AURKA: variants seen among roughly 807,000 people sequenced by gnomAD.
AURKA encodes the protein aurora 2.
A neutral mutation model predicts 40.9 loss-of-function variants in AURKA; 12 were observed. That is an observed-to-expected ratio of 0.29 (90% CI 0.19 to 0.48). The LOEUF (loss-of-function observed/expected upper bound fraction) is 0.48. AURKA is among the 20% of genes least tolerant of loss of function. The pLI is 0.99. For synonymous variants in AURKA, 170 were observed against 164.3 expected, an observed-to-expected ratio of 1.03 and a Z score of -0.26; for missense variants, 322 against 462.1, an observed-to-expected ratio of 0.70 and a Z score of 2.78.
intron 1 of AURKA, among the ~76,000 whole-genome samples, chr20:56,390,166 C>T (rs745945397): frequency 2.0e-5 from 3 of 152,192 alleles, no homozygotes; most frequent in Non-Finnish European, 4.4e-5. Flanking sequence ...GACTTCATCT[C>T]CTCTTCTTGT....
intron 4 of AURKA, 123 bp downstream of exon 4, chr20:56,384,147 T>TA (rs1986073669): frequency 2.8e-6 from 2 of 707,554 alleles, no homozygotes; most frequent in Non-Finnish European, 4.7e-6. Context: ...TCTGGAAACA[T>TA]TTATATCCTC....
intron 2 of AURKA, 92 bp from the exon 3 acceptor site, chr20:56,386,625 C>G (rs1986417322): frequency 7.1e-7 from 1 of 1,398,686 alleles, no homozygotes; most frequent in African/African-American, 1.4e-5. Flanking sequence ...TCTAGTATAG[C>G]AAAATAATGA....
intron 6 of AURKA, among the ~76,000 whole-genome samples, chr20:56,379,713 GCA>G (rs1491399992): frequency 2.0e-5 from 3 of 152,184 alleles, no homozygotes; most frequent in African/African-American, 7.2e-5. Context: ...TGTAATCCTA[GCA>G]CTTTGGGAGG....
chr20:56,384,195 T>A, intron 4 of AURKA, 75 bp downstream of exon 4: 2 of 1,220,178 alleles, frequency 1.6e-6, no homozygotes, highest in Non-Finnish European at 1.2e-6. Context: ...TCCCCAGAGT[T>A]CCCACAACGA....
At position 56,377,365 on chromosome 20, in the gene AURKA, CAT is replaced by C. The variant is rs1039185401; in HGVS notation, c.706-3811_706-3810del. ...GGATTGGGAGAAAATATTTGCAAAACATGTGTGACAGATGACCTGCATCCAAA... is the reference window on the plus strand; with the variant it reads ...GGATTGGGAGAAAATATTTGCAAAACGTGTGACAGATGACCTGCATCCAAA... On this transcript the variant is annotated intron_variant, in intron 6 of 8. Transcript: ENST00000395915. Among the ~76,000 whole-genome samples, 57 of 152,026 alleles carry C rather than the reference CAT, an allele frequency of 3.7e-4. 2 individuals are homozygous for C. Among genetic ancestry groups the C allele is most frequent in the East Asian group, 7.7e-4 (4 of 5,176 alleles).
At chr20:56,385,626 T>C (rs148054779) in intron 3 of AURKA, among the ~76,000 whole-genome samples, 175 of 151,994 alleles carry the variant, frequency 1.2e-3, no homozygotes, top group African/African-American at 4.1e-3. Context: ...CACGCCTGGC[T>C]AATTTTGTAT....
In AURKA at chr20:56,372,043, G is replaced by A. The variant is rs540888957; in HGVS notation, c.854+1365C>T. 3.3e-5 allele frequency among the ~76,000 whole-genome samples: 5 copies of A among 152,314 alleles called. No individual in the cohort carries two copies. The South Asian group carries it at 1.0e-3, about 32-fold the overall frequency. ...CCAATTCCGCATTTTTATCGGTTTAGGTTTTTTTAACGAAGGTTGGAAAAA... is the reference window on the plus strand; with the variant it reads ...CCAATTCCGCATTTTTATCGGTTTAAGTTTTTTTAACGAAGGTTGGAAAAA... On this transcript the variant is annotated intron_variant, in intron 7 of 8. Transcript: ENST00000395915.
At chr20:56,385,195 CT>C (rs1986200168) in intron 3 of AURKA, among the ~76,000 whole-genome samples, 1 of 152,240 alleles carries the variant, frequency 6.6e-6, no homozygotes, top group Non-Finnish European at 1.5e-5. Context: ...TTAACTGCTT[CT>C]GAGTCTTAGC....
chr20:56,371,090 C>T (rs1984108083), intron 7 of AURKA, among the ~76,000 whole-genome samples: 1 of 152,162 alleles, frequency 6.6e-6, no homozygotes, highest in Admixed American at 6.5e-5. Context: ...GAGATGTAGA[C>T]ACATGCTGCC....
chr20:56,375,217 T>G (rs1984775158), intron 6 of AURKA, among the ~76,000 whole-genome samples: 1 of 152,016 alleles, frequency 6.6e-6, no homozygotes, highest in South Asian at 2.1e-4. Flanking sequence ...CTTGAACTCC[T>G]GGCCGTAAGC....
chr20:56,382,879 C>T (rs1600699569), intron 5 of AURKA, 106 bp downstream of exon 5: 3 of 1,245,596 alleles, frequency 2.4e-6, no homozygotes, highest in Non-Finnish European at 3.5e-6. Context: ...GGCAGTGCCT[C>T]GTAAGAGGGA....
At chr20:56,374,041 A>ACG (rs932673578) in intron 6 of AURKA, among the ~76,000 whole-genome samples, 7 of 151,940 alleles carry the variant, frequency 4.6e-5, no homozygotes, top group Non-Finnish European at 7.3e-5. Context: ...ACACACACAC[A>ACG]CACACACACA....
rs1984561244 is a variant in AURKA at position 56,373,663 on chromosome 20, G to C, written c.706-107C>G. On this transcript the variant is annotated intron_variant, in intron 6 of 8. Transcript: ENST00000395915. The surrounding 1 kb of genome is among the most constrained non-coding windows in gnomAD (Gnocchi z 5.0). ...CAACATAGATTTAACATGGTTTGCAGGTTTTGGCCAGGCACAGTGGCTCAC... is the reference window on the plus strand; with the variant it reads ...CAACATAGATTTAACATGGTTTGCACGTTTTGGCCAGGCACAGTGGCTCAC... 1 of 1,406,124 alleles carries C rather than the reference G, an allele frequency of 7.1e-7. No individual in the cohort carries two copies. Among genetic ancestry groups the C allele is most frequent in the African/African-American group, 1.4e-5 (1 of 70,180 alleles). 87.1% of individuals were successfully genotyped at this position (1,406,124 alleles called of 1,614,324 possible). A position where few individuals can be genotyped will look rare whatever the true frequency, so the allele number is the denominator to read the frequency against.
At position 56,373,635 on chromosome 20, in the gene AURKA, A is replaced by G; in HGVS notation, c.706-79T>C. The G allele has an allele frequency of 6.5e-7, 1 of 1,527,930 alleles. No homozygotes were observed. The highest frequency in any genetic ancestry group is 9.0e-7 in the Non-Finnish European group (1 of 1,108,810). 94.6% of individuals were successfully genotyped at this position (1,527,930 alleles called of 1,614,324 possible). A position where few individuals can be genotyped will look rare whatever the true frequency, so the allele number is the denominator to read the frequency against. On this transcript the variant is annotated intron_variant, in intron 6 of 8. Coordinates refer to ENST00000395915, the MANE Select transcript of AURKA (RefSeq NM_198437.3). The surrounding 1 kb of genome is among the most constrained non-coding windows in gnomAD (Gnocchi z 5.0). Reference sequence around the variant, plus strand: ...ATATTAGACATCTCTTCCGAAAGGAACACAACATAGATTTAACATGGTTTG... The same window carrying G: ...ATATTAGACATCTCTTCCGAAAGGAGCACAACATAGATTTAACATGGTTTG...
At chr20:56,387,316 C>T (rs1488900299) in intron 2 of AURKA, among the ~76,000 whole-genome samples, 1 of 152,106 alleles carries the variant, frequency 6.6e-6, no homozygotes, top group Non-Finnish European at 1.5e-5. Flanking sequence ...CCACGCCTGG[C>T]TAATTTTTTG....
Position 56,373,815 on chromosome 20 carries a change from T to C in AURKA, c.706-259A>G, listed in dbSNP as rs1418125705. ...AAATTTAAAAATTAGCTGAGCGTGA[T>C]GGTGCATGCCTGTAGTCCCAGCTAC... On this transcript the variant is annotated intron_variant, in intron 6 of 8. Transcript: ENST00000395915. This position sits in a 1 kb window ranked among gnomAD's most constrained non-coding sequence, Gnocchi z 5.0. Among the ~76,000 whole-genome samples, 2 of 152,096 alleles carry C rather than the reference T, an allele frequency of 1.3e-5. No individual in the cohort carries two copies. The highest frequency in any genetic ancestry group is 2.1e-4 in the South Asian group (1 of 4,824).
rs749535675 is a variant in AURKA at position 56,386,547 on chromosome 20, G to A, written c.43-14C>T. Reference sequence around the variant, plus strand: ...TGGAGCTGTAGCCTAGAATGGAAGAGAAAATAAACTTTCTGGCATTCATGA... The same window carrying A: ...TGGAGCTGTAGCCTAGAATGGAAGAAAAAATAAACTTTCTGGCATTCATGA... On this transcript the variant is annotated splice_polypyrimidine_tract_variant and intron_variant, in intron 2 of 8. Coordinates refer to ENST00000395915, the MANE Select transcript of AURKA (RefSeq NM_198437.3). 1.2e-6 allele frequency: 2 copies of A among 1,614,012 alleles called. No individual in the cohort carries two copies. Among genetic ancestry groups the A allele is most frequent in the Non-Finnish European group, 1.7e-6 (2 of 1,180,000 alleles).
chr20:56,370,679 C>T lies in AURKA; in HGVS notation c.855-20G>A, dbSNP rs769665590. On this transcript the variant is annotated intron_variant, in intron 7 of 8. Transcript: ENST00000395915. ...GTCCTCCTGAAAACGGAGGGAGGCTCAGGTTGATGTGCTTCTCGTTTTATG... is the reference window on the plus strand; with the variant it reads ...GTCCTCCTGAAAACGGAGGGAGGCTTAGGTTGATGTGCTTCTCGTTTTATG... The T allele has an allele frequency of 1.9e-6, 3 of 1,613,824 alleles. No homozygotes were observed. Among genetic ancestry groups the T allele is most frequent in the Non-Finnish European group, 2.5e-6 (3 of 1,179,924 alleles).
rs189770178 is a variant in AURKA, at chr20:56,384,215, C to T, written c.374+55G>A. On this transcript the variant is annotated intron_variant, in intron 4 of 8. Transcript: ENST00000395915. ...AGAGTTCCCACAACGAAATTTGCAA[C>T]GAAATAATATATTCTAGTAGAACAG... is the stretch of plus-strand genomic sequence containing the variant. The T allele has an allele frequency of 7.6e-5, 111 of 1,456,260 alleles. 1 individual carries two copies. Among genetic ancestry groups the T allele is most frequent in the South Asian group, 7.2e-4 (60 of 83,600 alleles). 90.2% of individuals were successfully genotyped at this position (1,456,260 alleles called of 1,614,324 possible). A position where few individuals can be genotyped will look rare whatever the true frequency, so the allele number is the denominator to read the frequency against.
Sources: gnomAD v4.1 joint callset for allele counts (sites outside exome capture counted in the v4.1 genomes callset) on GRCh38, gnomAD v4.1.1 for gene constraint, Gnocchi (gnomAD v3.1) non-coding constraint, MANE v1.5 for transcripts, NCBI Gene and HGNC (gene_info 2026-07-23, HGNC 2026-07-21) for gene names.